The following BDP1 variants were observed in gnomAD, a reference collection of about 807,000 sequenced individuals.
The protein encoded by BDP1 is transcription factor TFIIIB component B'' homolog.
A neutral mutation model predicts 266.6 loss-of-function variants in BDP1; 169 were observed. The ratio of observed to expected loss-of-function variants is 0.63; its 90% CI spans 0.56 to 0.72. BDP1 has a LOEUF of 0.72. Among genes scored for constraint, BDP1 ranks in the 30% least tolerant of loss-of-function variants. The probability of loss-of-function intolerance (pLI) is 0.00; values close to 1 mark genes in which losing one functional copy is unlikely to be tolerated. For synonymous variants in BDP1, 1,090 were observed against 1,022.4 expected (o/e 1.07, Z -1.26); for missense variants, 3,015 against 3,053.8 (o/e 0.99, Z 0.30).
chr5:71,541,438 T>C lies in BDP1; in HGVS notation c.6023-16T>C, dbSNP rs746397650. On this transcript the variant is annotated splice_polypyrimidine_tract_variant and intron_variant, in intron 28 of 38. Transcript: ENST00000358731. Reference sequence around the variant, plus strand: ...ATTTGGTCCATTTTAATTTTGTTTTTTTTTTTTTTCTTCAGTAGGAGTATG... The same window carrying C: ...ATTTGGTCCATTTTAATTTTGTTTTCTTTTTTTTTCTTCAGTAGGAGTATG... 3 of 1,065,784 alleles carry C rather than the reference T, an allele frequency of 2.8e-6. No homozygotes were observed. The highest frequency in any genetic ancestry group is 2.9e-5 in the Admixed American group (1 of 35,084). The allele number at this position is 1,065,784 out of a possible 1,614,324, so 66.0% of individuals were successfully genotyped here.
chr5:71,541,709 T>C, intron 29 of BDP1, 27 bp downstream of exon 29: 3 of 1,379,906 alleles, frequency 2.2e-6, no homozygotes, highest in South Asian at 1.4e-5. Flanking sequence ...AATTAATAAA[T>C]ATTACTAAAA....
chr5:71,521,914 G>T (rs1765515290), intron 22 of BDP1, among the ~76,000 whole-genome samples: 1 of 150,570 alleles, frequency 6.6e-6, no homozygotes, highest in South Asian at 2.1e-4. Flanking sequence ...CCAGTTGAAG[G>T]CATGTGTTTA....
intron 22 of BDP1, among the ~76,000 whole-genome samples, chr5:71,520,700 G>A (rs531248703): frequency 1.3e-5 from 2 of 149,800 alleles, no homozygotes; most frequent in African/African-American, 5.1e-5. Flanking sequence ...AAGTGCTGAT[G>A]ATGTAGGAAT....
Position 71,565,592 on chromosome 5 carries a change from TACCACATA to T in BDP1, c.*708_*715del, listed in dbSNP as rs1323121930. On this transcript the variant is annotated 3_prime_UTR_variant, in exon 39 of 39. Coordinates refer to ENST00000358731, the MANE Select transcript of BDP1 (RefSeq NM_018429.3). ...TTTGTAGCCGAGGAGCAATAGGCTA[TACCACATA>T]GCCTCAGTCTGTACGGTGTGTAGCA... is the stretch of plus-strand genomic sequence containing the variant. 2.0e-5 allele frequency: 3 copies of T among 152,600 alleles called. No individual in the cohort carries two copies. Among genetic ancestry groups the T allele is most frequent in the African/African-American group, 7.2e-5 (3 of 41,464 alleles). 9.5% of individuals were successfully genotyped at this position (152,600 alleles called of 1,614,324 possible). A position where few individuals can be genotyped will look rare whatever the true frequency, so the allele number is the denominator to read the frequency against.
intron 2 of BDP1, 86 bp from the exon 3 acceptor site, chr5:71,461,731 C>T (rs1200924366): frequency 4.5e-5 from 32 of 709,154 alleles, no homozygotes; most frequent in South Asian, 3.9e-4. Flanking sequence ...TTACAGTGAA[C>T]GCAACAGTGG....
Position 71,565,140 on chromosome 5 carries a change from T to C in BDP1, c.*255T>C, listed in dbSNP as rs1743951808. ...CTTTCTCAGACAGAAATAACAACTC[T>C]TGTTTACATTTTGACTCTTCCTGTG... is the stretch of plus-strand genomic sequence containing the variant. On this transcript the variant is annotated 3_prime_UTR_variant, in exon 39 of 39. Coordinates refer to ENST00000358731, the MANE Select transcript of BDP1 (RefSeq NM_018429.3). 2.6e-6 allele frequency: 1 copy of C among 384,508 alleles called. No individual in the cohort carries two copies. The highest frequency in any genetic ancestry group is 2.1e-5 in the African/African-American group (1 of 48,426). The allele number at this position is 384,508 out of a possible 1,614,324, so 23.8% of individuals were successfully genotyped here.
At chr5:71,470,283 G>C (rs1330086454) in intron 6 of BDP1, 112 bp from the exon 7 acceptor site, 13 of 766,498 alleles carry the variant, frequency 1.7e-5, no homozygotes, top group Middle Eastern at 3.5e-4. Context: ...TTTAGGTATT[G>C]CATGGGGATC....
intron 16 of BDP1, among the ~76,000 whole-genome samples, chr5:71,505,252 CTG>C (rs1360421952): frequency 6.6e-6 from 1 of 152,160 alleles, no homozygotes; most frequent in African/African-American, 2.4e-5. Context: ...AGTGATCCAC[CTG>C]TCTCGGCCTC....
intron 12 of BDP1, among the ~76,000 whole-genome samples, 171 bp from the exon 13 acceptor site, chr5:71,497,099 G>T (rs941499916): frequency 1.3e-5 from 2 of 152,106 alleles, no homozygotes; most frequent in Admixed American, 1.3e-4. Flanking sequence ...ATGATGAATG[G>T]TGTATTTTTA....
intron 34 of BDP1, 119 bp downstream of exon 34, chr5:71,549,725 C>A: frequency 1.3e-6 from 1 of 773,458 alleles, no homozygotes. Context: ...TCTTATTTAT[C>A]ATTTATGTGG....
chr5:71,558,221 A>G (rs1249396110), intron 36 of BDP1, among the ~76,000 whole-genome samples: 3 of 151,982 alleles, frequency 2.0e-5, no homozygotes, highest in Non-Finnish European at 4.4e-5. Context: ...ATAACCTATG[A>G]TGGTTCTGGT....
Position 71,517,358 on chromosome 5 carries a change from T to C in BDP1, c.4897T>C (p.Ser1633Pro), listed in dbSNP as rs1352094157. 6 of 1,600,612 alleles carry C rather than the reference T, an allele frequency of 3.7e-6. No individual in the cohort carries two copies. In the Admixed American group the frequency reaches 7.1e-5, roughly 19 times the overall value. Residue 1633 changes from serine to proline, a missense_variant, in exon 22 of 39, where the codon TCG (serine) becomes CCG (proline). By Grantham distance (74) the Ser-to-Pro change is moderately conservative. Coordinates refer to ENST00000358731, the MANE Select transcript of BDP1 (RefSeq NM_018429.3). ...SQIETEIEVP[S>P]SAVPEHRMYE... Reference sequence around the variant, plus strand: ...AATTGAAACTGAAATTGAAGTTCCATCGTCCGCAGTTCCAGAACACAGAAT... The same window carrying C: ...AATTGAAACTGAAATTGAAGTTCCACCGTCCGCAGTTCCAGAACACAGAAT...
chr5:71,505,199 G>T (rs1764512018), intron 16 of BDP1, among the ~76,000 whole-genome samples: 1 of 151,960 alleles, frequency 6.6e-6, no homozygotes, highest in Admixed American at 6.6e-5. Context: ...TAGAAACAGG[G>T]TTTTACCATG....
At chr5:71,521,480 TG>T (rs1206881302) in intron 22 of BDP1, among the ~76,000 whole-genome samples, 1 of 151,794 alleles carries the variant, frequency 6.6e-6, no homozygotes, top group Non-Finnish European at 1.5e-5. Context: ...TTGGTAGAGA[TG>T]GGGTTTTTCC....
At chr5:71,501,810 A>G (rs901995544) in intron 14 of BDP1, among the ~76,000 whole-genome samples, 157 bp downstream of exon 14, 2 of 152,148 alleles carry the variant, frequency 1.3e-5, no homozygotes, top group Non-Finnish European at 2.9e-5. Context: ...AAACATTCAT[A>G]ATACTCTCTC....
downstream of BDP1, among the ~76,000 whole-genome samples, chr5:71,569,961 A>G (rs542016698): frequency 6.6e-6 from 1 of 152,296 alleles, no homozygotes; most frequent in Admixed American, 6.5e-5. Context: ...AACAGATCCC[A>G]CTCACTATGT....
intron 11 of BDP1, chr5:71,494,721 C>G (rs1422939455): frequency 6.6e-6 from 1 of 151,850 alleles, no homozygotes; most frequent in East Asian, 1.9e-4. Flanking sequence ...ATTTTGAAGC[C>G]TTTTCTTTTT....
rs974723697 is a variant in BDP1 at position 71,522,683 on chromosome 5, C to T, written c.5194-73C>T. The T allele has an allele frequency of 1.3e-5, 18 of 1,432,146 alleles. No individual in the cohort carries two copies. The East Asian group carries it at 1.4e-4, about 11-fold the overall frequency. 88.7% of individuals were successfully genotyped at this position (1,432,146 alleles called of 1,614,324 possible). On this transcript the variant is annotated intron_variant, in intron 23 of 38. Transcript: ENST00000358731. ...ATATGTGTAAACTTAGAGGTTTAGG[C>T]CAAACTACCAAACCAAATTAACATA... is the stretch of plus-strand genomic sequence containing the variant.
intron 1 of BDP1, among the ~76,000 whole-genome samples, chr5:71,456,639 T>TAA (rs1288734282): frequency 6.6e-6 from 1 of 152,204 alleles, no homozygotes; most frequent in African/African-American, 2.4e-5. Flanking sequence ...AGGACTCTTT[T>TAA]AGTCTACAGG....
Sources: allele counts gnomAD v4.1 joint callset (sites outside exome capture counted in the v4.1 genomes callset), GRCh38; gene constraint gnomAD v4.1.1; transcripts MANE v1.5; gene names NCBI Gene and HGNC (gene_info 2026-07-23, HGNC 2026-07-21).